The following DOCK4 variants were observed in gnomAD, a reference collection of about 807,000 sequenced individuals.
DOCK4 encodes dedicator of cytokinesis 4.
DOCK4 carries 97 observed loss-of-function variants against 268.1 expected under a neutral mutation model. The ratio of observed to expected loss-of-function variants is 0.36; its 90% confidence interval spans 0.31 to 0.43. DOCK4 has a LOEUF of 0.43. Among genes scored for constraint, DOCK4 ranks in the 20% least tolerant of loss-of-function variants. The pLI, the probability that DOCK4 is intolerant of heterozygous loss-of-function variation, is 1.00. For missense variants in DOCK4, 2,145 were observed against 2,455.7 expected (o/e 0.87, Z 2.67); for synonymous variants, 954 against 887.2 (o/e 1.08, Z -1.34).
chr7:111,747,212 C>A, intron 43 of DOCK4, 55 bp downstream of exon 43: 5 of 1,542,120 alleles, frequency 3.2e-6, no homozygotes, highest in East Asian at 2.3e-5. Flanking sequence ...ATTCATGAAA[C>A]CCTAAGAAGT....
Position 112,033,644 on chromosome 7 carries a change from C to G in DOCK4, c.38-29513G>C, listed in dbSNP as rs1458321620. ...GACTTCATGGGTTATGACTGCTTGA[C>G]CAGCTTTCATGGTCACAAAATTATT... On this transcript the variant is annotated intron_variant, in intron 1 of 52. Coordinates refer to ENST00000428084, the MANE Select transcript of DOCK4 (RefSeq NM_001363540.2). Among the ~76,000 whole-genome samples, 3 of 152,154 alleles carry G rather than the reference C, an allele frequency of 2.0e-5. No homozygotes were observed. In the East Asian group the frequency reaches 5.8e-4, roughly 29 times the overall value.
rs528206651 is a variant in DOCK4, at chr7:112,070,917, G to A, written c.38-66786C>T. Among the ~76,000 whole-genome samples the A allele has an allele frequency of 1.4e-3, 214 of 152,292 alleles. 1 individual carries two copies. The highest frequency in any genetic ancestry group is 7.7e-4 in the East Asian group (4 of 5,182). On this transcript the variant is annotated intron_variant, in intron 1 of 52. Transcript: ENST00000428084. ...GTACATGGCTGGGTTGAAGGGGCAC[G>A]AGGTAAGCAGTGACAGTGACCAAAG...
intron 1 of DOCK4, among the ~76,000 whole-genome samples, chr7:112,132,501 C>A (rs968361251): frequency 2.6e-5 from 4 of 151,982 alleles, no homozygotes; most frequent in Non-Finnish European, 5.9e-5. Flanking sequence ...GAGATGATAT[C>A]TAGAAACAAC....
chr7:111,900,751 G>A (rs1791071616), intron 14 of DOCK4, among the ~76,000 whole-genome samples: 1 of 152,176 alleles, frequency 6.6e-6, no homozygotes, highest in Admixed American at 6.5e-5. Context: ...CTGTGCCAAG[G>A]GTAGACCCGG....
intron 23 of DOCK4, among the ~76,000 whole-genome samples, chr7:111,853,073 GTGGATA>G (rs1042237310): frequency 6.6e-6 from 1 of 152,182 alleles, no homozygotes; most frequent in African/African-American, 2.4e-5. Context: ...CTACACTTGA[GTGGATA>G]TACAGCCAGC....
chr7:112,103,133 T>C (rs1228582218), intron 1 of DOCK4, among the ~76,000 whole-genome samples: 1 of 152,194 alleles, frequency 6.6e-6, no homozygotes, highest in Admixed American at 6.5e-5. Context: ...TAAACTCAAG[T>C]CACATGAAAC....
chr7:112,184,463 G>T (rs1819318758), intron 1 of DOCK4, among the ~76,000 whole-genome samples: 1 of 152,132 alleles, frequency 6.6e-6, no homozygotes, highest in African/African-American at 2.4e-5. Flanking sequence ...TAGTCCTTTG[G>T]CTAACTCTAA....
rs529131923 is a variant in DOCK4, at chr7:111,877,942, G to A, written c.1588-756C>T. On this transcript the variant is annotated intron_variant, in intron 16 of 52. Coordinates refer to ENST00000428084, the MANE Select transcript of DOCK4 (RefSeq NM_001363540.2). ...AAATATAACTGCATGTGGGGGAATC[G>A]AGCTGTCATTACACCAATGCAGGGC... 5.9e-5 allele frequency among the ~76,000 whole-genome samples: 9 copies of A among 152,202 alleles called. No homozygotes were observed. In the East Asian group the frequency reaches 7.7e-4, roughly 13 times the overall value.
intron 36 of DOCK4, among the ~76,000 whole-genome samples, chr7:111,777,704 G>C (rs1276485937): frequency 1.3e-5 from 2 of 152,092 alleles, no homozygotes; most frequent in Non-Finnish European, 2.9e-5. Context: ...GGAGGGACAA[G>C]GTGGGAGGTA....
At chr7:111,813,611 T>G (rs1231720782) in intron 27 of DOCK4, among the ~76,000 whole-genome samples, 1 of 152,176 alleles carries the variant, frequency 6.6e-6, no homozygotes. Context: ...AATCTTATTA[T>G]TAAATTTAAG....
At chr7:112,200,909 C>T (rs995749851) in intron 1 of DOCK4, among the ~76,000 whole-genome samples, 1 of 151,970 alleles carries the variant, frequency 6.6e-6, no homozygotes, top group Non-Finnish European at 1.5e-5. Flanking sequence ...CTGTATGGCC[C>T]TTCGGTGGTA....
intron 30 of DOCK4, among the ~76,000 whole-genome samples, chr7:111,804,694 G>T (rs1408078328): frequency 6.6e-6 from 1 of 151,976 alleles, no homozygotes; most frequent in African/African-American, 2.4e-5. Flanking sequence ...CTGCCTCCCA[G>T]ATTCAAGCAA....
intron 12 of DOCK4, among the ~76,000 whole-genome samples, chr7:111,922,827 C>T (rs1490860021): frequency 5.9e-5 from 9 of 152,108 alleles, no homozygotes; most frequent in South Asian, 2.1e-4. Context: ...GGTATCCACC[C>T]GCCTCAGCCT....
intron 30 of DOCK4, among the ~76,000 whole-genome samples, chr7:111,802,858 A>C (rs1448276125): frequency 1.3e-5 from 2 of 151,964 alleles, no homozygotes; most frequent in Non-Finnish European, 2.9e-5. Context: ...ATTTTACCTA[A>C]TACCCCAACT....
chr7:111,789,777 T>C (rs1799407530), intron 31 of DOCK4, among the ~76,000 whole-genome samples: 1 of 152,078 alleles, frequency 6.6e-6, no homozygotes, highest in Non-Finnish European at 1.5e-5. Context: ...TGAGGAAGGG[T>C]CAAACCCTGT....
intron 25 of DOCK4, among the ~76,000 whole-genome samples, chr7:111,835,451 C>A (rs1021019957): frequency 6.6e-6 from 1 of 152,060 alleles, no homozygotes; most frequent in Non-Finnish European, 1.5e-5. Flanking sequence ...TAAAAATTAA[C>A]AATAAAAAAG....
intron 8 of DOCK4, among the ~76,000 whole-genome samples, chr7:111,976,028 C>A (rs1328557400): frequency 6.8e-6 from 1 of 146,228 alleles, no homozygotes. Flanking sequence ...GCTGGGCAAG[C>A]TACTCAGGAA....
In DOCK4 at chr7:111,847,076, A is replaced by G. The variant is rs1193163713; in HGVS notation, c.2524T>C (p.Leu842=). 6.2e-7 allele frequency: 1 copy of G among 1,613,864 alleles called. No homozygotes were observed. Among genetic ancestry groups the G allele is most frequent in the Non-Finnish European group, 8.5e-7 (1 of 1,179,784 alleles). The change falls in exon 24 of 53, where the codon TTG becomes CTG. Residue 842 remains leucine, a synonymous_variant. Coordinates refer to ENST00000428084, the MANE Select transcript of DOCK4 (RefSeq NM_001363540.2). ...PVVLHHLHIH[L]QEQKDLIMCA... is the part of the protein sequence containing the mutation. ...ATGATCAGGTCCTTCTGTTCTTGCA[A>G]GTGAATGTGGAGGTGATGTAACACG...
At chr7:111,741,751 T>C (rs1795934282) in intron 45 of DOCK4, 90 bp from the exon 46 acceptor site, 1 of 1,472,132 alleles carries the variant, frequency 6.8e-7, no homozygotes, top group Non-Finnish European at 9.1e-7. Flanking sequence ...GCACACATCC[T>C]AATTGCCATC....
Sources: gnomAD v4.1 joint callset for allele counts (sites outside exome capture counted in the v4.1 genomes callset) on GRCh38, gnomAD v4.1.1 for gene constraint, MANE v1.5 for transcripts, NCBI Gene and HGNC (gene_info 2026-07-23, HGNC 2026-07-21) for gene names.